NFILZ: variants seen among roughly 807,000 people sequenced by gnomAD.
NFILZ encodes NFIL3 like protein.
chr19:8,645,498 C>A (rs541020728), intron 3 of NFILZ, among the ~76,000 whole-genome samples: 6 of 152,182 alleles, frequency 3.9e-5, no homozygotes, highest in African/African-American at 1.4e-4. Flanking sequence ...GGCTCCAAAC[C>A]CCAGCTCCCA....
chr19:8,676,003 C>A (rs782671950), intron 4 of NFILZ, among the ~76,000 whole-genome samples: 2 of 151,968 alleles, frequency 1.3e-5, no homozygotes, highest in African/African-American at 4.8e-5. Flanking sequence ...AATCAATGGA[C>A]GGTTGGATGA....
intron 3 of NFILZ, among the ~76,000 whole-genome samples, chr19:8,669,376 C>T (rs1555750088): frequency 6.6e-6 from 1 of 152,178 alleles, no homozygotes; most frequent in African/African-American, 2.4e-5. Flanking sequence ...TGCTATTATT[C>T]CCCTTTTGCA....
intron 3 of NFILZ, among the ~76,000 whole-genome samples, chr19:8,648,468 C>T (rs868988088): frequency 9.9e-5 from 15 of 151,890 alleles, no homozygotes; most frequent in East Asian, 7.7e-4. Context: ...ACTGTATGGA[C>T]GCTGAGAAAT....
At chr19:8,657,904 A>T (rs1429766606) in intron 3 of NFILZ, among the ~76,000 whole-genome samples, 1 of 152,094 alleles carries the variant, frequency 6.6e-6, no homozygotes, top group Non-Finnish European at 1.5e-5. Flanking sequence ...ACCACACCCC[A>T]TTCTGACCTT....
chr19:8,631,815 C>T (rs1413389053), intron 1 of NFILZ, among the ~76,000 whole-genome samples: 1 of 149,704 alleles, frequency 6.7e-6, no homozygotes, highest in Non-Finnish European at 1.5e-5. Flanking sequence ...GGCTTGGTCA[C>T]TCCAGTCCTC....
intron 3 of NFILZ, 125 bp downstream of exon 3, chr19:8,635,871 C>T (rs539550115): frequency 6.6e-6 from 1 of 152,198 alleles, no homozygotes; most frequent in Admixed American, 6.5e-5. Flanking sequence ...GGGTCTTGCT[C>T]TGTCACCCAA....
intron 2 of NFILZ, among the ~76,000 whole-genome samples, chr19:8,632,897 AT>A (rs1320175583): frequency 1.4e-5 from 2 of 145,456 alleles, no homozygotes; most frequent in Non-Finnish European, 1.5e-5. Flanking sequence ...TAATTTTTGT[AT>A]TTTTAGTAGA....
chr19:8,658,769 G>A (rs1463216008), intron 3 of NFILZ, among the ~76,000 whole-genome samples: 2 of 152,162 alleles, frequency 1.3e-5, no homozygotes. Context: ...AGAAAGACAG[G>A]CAGTGGCGTC....
intron 3 of NFILZ, among the ~76,000 whole-genome samples, chr19:8,673,779 AC>A (rs782155082): frequency 1.3e-5 from 2 of 152,022 alleles, no homozygotes; most frequent in Non-Finnish European, 2.9e-5. Context: ...AGTGCTGGAG[AC>A]CTTCCAGTAG....
intron 3 of NFILZ, among the ~76,000 whole-genome samples, chr19:8,638,312 C>T (rs62121173): frequency 0.069 from 10,470 of 152,164 alleles, 488 homozygotes; most frequent in Admixed American, 0.11. Flanking sequence ...TGTGCACGTG[C>T]GTTAGCCGCT....
chr19:8,634,276 C>T (rs959461159), intron 2 of NFILZ, among the ~76,000 whole-genome samples: 52 of 151,836 alleles, frequency 3.4e-4, no homozygotes, highest in Non-Finnish European at 4.4e-5. Flanking sequence ...GGATTACAGG[C>T]GTGAGCCACC....
chr19:8,651,028 G>A (rs1433137719), intron 3 of NFILZ, among the ~76,000 whole-genome samples: 1 of 152,122 alleles, frequency 6.6e-6, no homozygotes, highest in African/African-American at 2.4e-5. Context: ...TATTTATGGA[G>A]TATATGTGAT....
In NFILZ at chr19:8,678,829, C is replaced by T. The variant is rs1037348954; in HGVS notation, c.*1194C>T. On this transcript the variant is annotated 3_prime_UTR_variant, in exon 6 of 6. Transcript: ENST00000691075. Reference sequence around the variant, plus strand: ...ACTTGTCCCCTCACCCACCCACTCACGATCTTTAGACCTTCCTTTTGTGCC... The same window carrying T: ...ACTTGTCCCCTCACCCACCCACTCATGATCTTTAGACCTTCCTTTTGTGCC... Among the ~76,000 whole-genome samples, 1 of 152,206 alleles carries T rather than the reference C, an allele frequency of 6.6e-6. No individual in the cohort carries two copies. Among genetic ancestry groups the T allele is most frequent in the South Asian group, 2.1e-4 (1 of 4,824 alleles).
At chr19:8,663,544 AG>A (rs1362473889) in intron 3 of NFILZ, among the ~76,000 whole-genome samples, 1 of 147,856 alleles carries the variant, frequency 6.8e-6, no homozygotes, top group East Asian at 2.0e-4. Flanking sequence ...GGGAAGGTGG[AG>A]GGGGCGCTGG....
In NFILZ at chr19:8,630,975, G is replaced by C. The variant is rs948642125; in HGVS notation, c.-411+231G>C. Among the ~76,000 whole-genome samples, 140 of 152,122 alleles carry C rather than the reference G, an allele frequency of 9.2e-4. 2 individuals carry two copies. Among genetic ancestry groups the C allele is most frequent in the Non-Finnish European group, 1.7e-3 (118 of 68,036 alleles). On this transcript the variant is annotated intron_variant, in intron 1 of 5. Coordinates refer to ENST00000691075, the MANE Select transcript of NFILZ (RefSeq NM_001378600.1). ...CCCGGGTCGTGTTGCATGGAACTGC[G>C]GCCAAGTGAGGGGATTAAGCAAAGC...
intron 3 of NFILZ, among the ~76,000 whole-genome samples, chr19:8,670,691 C>T (rs1444301465): frequency 6.6e-6 from 1 of 152,076 alleles, no homozygotes; most frequent in East Asian, 1.9e-4. Context: ...GTTTTCTGAG[C>T]TCAGTCAAGA....
rs1465101484 is a variant in NFILZ at position 8,680,920 on chromosome 19, A to AC, written c.*3285_*3286insC. Among the ~76,000 whole-genome samples, 1 of 152,068 alleles carries AC rather than the reference A, an allele frequency of 6.6e-6. No individual in the cohort carries two copies. Among genetic ancestry groups the AC allele is most frequent in the Non-Finnish European group, 1.5e-5 (1 of 68,020 alleles). ...GTTTTGAGGAAGATTGAGGAGGCCCATGTGGCTGGAGTGGAGTGAGTAAGG... is the reference window on the plus strand; with the variant it reads ...GTTTTGAGGAAGATTGAGGAGGCCCACTGTGGCTGGAGTGGAGTGAGTAAGG... On this transcript the variant is annotated 3_prime_UTR_variant, in exon 6 of 6. Transcript: ENST00000691075.
At chr19:8,665,592 C>G (rs1331133080) in intron 3 of NFILZ, among the ~76,000 whole-genome samples, 4 of 152,170 alleles carry the variant, frequency 2.6e-5, no homozygotes, top group African/African-American at 9.7e-5. Flanking sequence ...CCTCTCACCT[C>G]AGCCTCCCAA....
rs1179889007 is a variant in NFILZ, at chr19:8,678,051, TCCAC to T, written c.*420_*423del. On this transcript the variant is annotated 3_prime_UTR_variant, in exon 6 of 6. Coordinates refer to ENST00000691075, the MANE Select transcript of NFILZ (RefSeq NM_001378600.1). ...ATCTATCCATCCATCCATCCATCCA[TCCAC>T]CCATCTATTCATCCATCCATCAATC... Among the ~76,000 whole-genome samples, 13 of 70,852 alleles carry T rather than the reference TCCAC, an allele frequency of 1.8e-4. No homozygotes were observed. The highest frequency in any genetic ancestry group is 5.5e-4 in the South Asian group (1 of 1,804). The allele number at this position is 70,852 out of a possible 152,430, so 46.5% of individuals were successfully genotyped here. A position where few individuals can be genotyped will look rare whatever the true frequency, so the allele number is the denominator to read the frequency against.
Sources: allele counts gnomAD v4.1 joint callset (sites outside exome capture counted in the v4.1 genomes callset), GRCh38; gene constraint gnomAD v4.1.1; transcripts MANE v1.5; gene names NCBI Gene and HGNC (gene_info 2026-07-23, HGNC 2026-07-21).